HTR1E: variants seen among roughly 807,000 people sequenced by gnomAD.
HTR1E encodes the protein 5-hydroxytryptamine receptor 1E, also known as 5-HT-1E.
Under a neutral mutation model 3.4 loss-of-function variants are expected in HTR1E, and 3 were observed. The ratio of observed to expected loss-of-function variants is 0.89; its 90% CI spans 0.41 to 2.31. The LOEUF is 2.31. HTR1E is among the 30% of genes most tolerant of loss of function. HTR1E has a pLI of 0.05. For missense variants in HTR1E, 392 were observed against 467.0 expected, an observed-to-expected ratio of 0.84 and a Z score of 1.48; for synonymous variants, 170 against 182.8, an observed-to-expected ratio of 0.93 and a Z score of 0.56.
Position 87,008,484 on chromosome 6 carries a change from G to C in HTR1E, c.-185-6666G>C, listed in dbSNP as rs143665667. On this transcript the variant is annotated intron_variant, in intron 1 of 1. Transcript: ENST00000305344. ...TTTGGGCAAAATGAGAACAATCAAA[G>C]AAGAGACGAAAGAATATTTATGGTG... Among the ~76,000 whole-genome samples, 409 of 152,250 alleles carry C rather than the reference G, an allele frequency of 2.7e-3. 6 individuals are homozygous for C. The highest frequency in any genetic ancestry group is 9.6e-3 in the African/African-American group (398 of 41,544).
chr6:86,943,574 T>C (rs189565874), intron 1 of HTR1E, among the ~76,000 whole-genome samples: 191 of 152,310 alleles, frequency 1.3e-3, no homozygotes, highest in African/African-American at 3.4e-4. Context: ...TTGTGATTCA[T>C]TGTCACCTGT....
Position 87,016,619 on chromosome 6 carries a change from T to A in HTR1E, c.*187T>A, listed in dbSNP as rs1768331665. ...TGAGGATTGTTATTTGGCGTGCTGT[T>A]TTCTACCTCTGGTCTTATCTGTGAT... On this transcript the variant is annotated 3_prime_UTR_variant, in exon 2 of 2. Transcript: ENST00000305344. The A allele has an allele frequency of 2.0e-6, 1 of 507,660 alleles. No homozygotes were observed. The highest frequency in any genetic ancestry group is 1.9e-5 in the African/African-American group (1 of 51,878). 31.4% of individuals were successfully genotyped at this position (507,660 alleles called of 1,614,324 possible). A position where few individuals can be genotyped will look rare whatever the true frequency, so the allele number is the denominator to read the frequency against.
rs1028639446 is a variant in HTR1E at position 86,979,443 on chromosome 6, A to C, written c.-185-35707A>C. Among the ~76,000 whole-genome samples, 3 of 152,230 alleles carry C rather than the reference A, an allele frequency of 2.0e-5. No homozygotes were observed. In the South Asian group the frequency reaches 6.2e-4, roughly 32 times the overall value. ...TAGATGGTCAGAGAAATTACCGTGA[A>C]AGAGGAAAAGAGAAGAAATGAAATA... is the stretch of plus-strand genomic sequence containing the variant. On this transcript the variant is annotated intron_variant, in intron 1 of 1. Coordinates refer to ENST00000305344, the MANE Select transcript of HTR1E (RefSeq NM_000865.3).
At chr6:86,944,821 ATGT>A (rs1171899121) in intron 1 of HTR1E, among the ~76,000 whole-genome samples, 1 of 152,346 alleles carries the variant, frequency 6.6e-6, no homozygotes, top group East Asian at 1.9e-4. Context: ...CGCTATTGCA[ATGT>A]TGTTGTAGCA....
At chr6:86,950,711 G>T (rs1343109387) in intron 1 of HTR1E, among the ~76,000 whole-genome samples, 1 of 152,116 alleles carries the variant, frequency 6.6e-6, no homozygotes, top group East Asian at 1.9e-4. Flanking sequence ...TGTCCAATTG[G>T]TTTCATAACC....
chr6:86,976,174 TAAGAA>T (rs1300155816), intron 1 of HTR1E, among the ~76,000 whole-genome samples: 1 of 150,720 alleles, frequency 6.6e-6, no homozygotes, highest in Admixed American at 6.6e-5. Context: ...GATGAGTAAA[TAAGAA>T]AAAGAAAAGG....
At chr6:87,004,001 A>G (rs546309030) in intron 1 of HTR1E, among the ~76,000 whole-genome samples, 2 of 152,310 alleles carry the variant, frequency 1.3e-5, no homozygotes, top group South Asian at 4.1e-4. Flanking sequence ...TAAACTGGAA[A>G]ACCTAGAAGA....
intron 1 of HTR1E, among the ~76,000 whole-genome samples, chr6:86,974,994 A>C (rs1339306332): frequency 6.6e-6 from 1 of 152,166 alleles, no homozygotes; most frequent in African/African-American, 2.4e-5. Context: ...ATAGTTCTAC[A>C]AGGACTCCTG....
intron 1 of HTR1E, among the ~76,000 whole-genome samples, chr6:86,938,450 C>G (rs1233370028): frequency 6.6e-6 from 1 of 152,078 alleles, no homozygotes; most frequent in Non-Finnish European, 1.5e-5. Context: ...CCCAATACTG[C>G]AAGGTGAGAG....
chr6:87,016,490 AGGGG>A lies in HTR1E; in HGVS notation c.*59_*62del. 7.0e-7 allele frequency: 1 copy of A among 1,430,942 alleles called. No homozygotes were observed. The highest frequency in any genetic ancestry group is 2.3e-5 in the East Asian group (1 of 43,604). The allele number at this position is 1,430,942 out of a possible 1,614,324, so 88.6% of individuals were successfully genotyped here. ...AGAGCCTCATGAGTGGATGGGGGTA[AGGGG>A]TGCAACTTATTAATTCTTGAACATA... On this transcript the variant is annotated 3_prime_UTR_variant, in exon 2 of 2. Coordinates refer to ENST00000305344, the MANE Select transcript of HTR1E (RefSeq NM_000865.3).
At chr6:87,002,398 C>T (rs559273927) in intron 1 of HTR1E, among the ~76,000 whole-genome samples, 1 of 152,326 alleles carries the variant, frequency 6.6e-6, no homozygotes, top group Non-Finnish European at 1.5e-5. Flanking sequence ...ACAAAGTGTC[C>T]ACAGTATGGA....
chr6:87,006,914 G>A (rs1270531825), intron 1 of HTR1E, among the ~76,000 whole-genome samples: 1 of 152,104 alleles, frequency 6.6e-6, no homozygotes, highest in Admixed American at 6.5e-5. Flanking sequence ...ACACACTGGG[G>A]CCTGCGGGGG....
At chr6:86,985,567 G>A (rs1582272748) in intron 1 of HTR1E, among the ~76,000 whole-genome samples, 2 of 152,276 alleles carry the variant, frequency 1.3e-5, no homozygotes, top group South Asian at 2.1e-4. Context: ...ATAAGCAGAA[G>A]ATATGAGGGA....
At chr6:86,942,451 A>T (rs1768559306) in intron 1 of HTR1E, among the ~76,000 whole-genome samples, 1 of 152,204 alleles carries the variant, frequency 6.6e-6, no homozygotes, top group African/African-American at 2.4e-5. Flanking sequence ...ATATACAGTC[A>T]TCCATAAACA....
intron 1 of HTR1E, among the ~76,000 whole-genome samples, chr6:86,980,198 TA>T (rs1767691995): frequency 6.6e-6 from 1 of 152,000 alleles, no homozygotes; most frequent in Non-Finnish European, 1.5e-5. Context: ...CCATCCTGGC[TA>T]ACAGGGTGAA....
At chr6:86,955,906 C>CT (rs922285302) in intron 1 of HTR1E, among the ~76,000 whole-genome samples, 4 of 151,986 alleles carry the variant, frequency 2.6e-5, no homozygotes, top group Admixed American at 1.3e-4. Flanking sequence ...AACCAATTGA[C>CT]TGAAACCCCC....
intron 1 of HTR1E, among the ~76,000 whole-genome samples, chr6:86,985,217 C>G (rs1033406588): frequency 3.3e-5 from 5 of 151,930 alleles, no homozygotes; most frequent in African/African-American, 1.2e-4. Flanking sequence ...TGGGTTACCT[C>G]AAAGCAAATC....
chr6:87,005,768 CAAAGG>C (rs1302761845), intron 1 of HTR1E, among the ~76,000 whole-genome samples: 1 of 151,970 alleles, frequency 6.6e-6, no homozygotes, highest in East Asian at 1.9e-4. Flanking sequence ...TTCTTCACAG[CAAAGG>C]AAACAATCAA....
At chr6:86,991,954 G>A (rs1767874300) in intron 1 of HTR1E, among the ~76,000 whole-genome samples, 1 of 152,112 alleles carries the variant, frequency 6.6e-6, no homozygotes, top group African/African-American at 2.4e-5. Flanking sequence ...CAAAAGTGGT[G>A]AAACCATTTT....
Sources: gnomAD v4.1 joint callset for allele counts (sites outside exome capture counted in the v4.1 genomes callset) on GRCh38, gnomAD v4.1.1 for gene constraint, MANE v1.5 for transcripts, NCBI Gene and HGNC (gene_info 2026-07-23, HGNC 2026-07-21) for gene names.